The following TACR3 variants were observed in gnomAD, a reference collection of about 807,000 sequenced individuals.
TACR3 encodes tachykinin receptor 3, also known as neuromedin-K receptor.
A neutral mutation model predicts 35.0 loss-of-function variants in TACR3; 34 were observed. The ratio of observed to expected loss-of-function variants is 0.97; its 90% CI spans 0.74 to 1.30. The LOEUF is 1.30. TACR3 is among the 50% of genes most tolerant of loss of function. The pLI, the probability that TACR3 is intolerant of heterozygous loss-of-function variation, is 0.00. For synonymous variants in TACR3, 233 were observed against 221.1 expected (o/e 1.05, Z -0.48); for missense variants, 558 against 591.7 (o/e 0.94, Z 0.59).
At chr4:103,656,581 T>C (rs896127637) in intron 2 of TACR3, among the ~76,000 whole-genome samples, 3 of 152,032 alleles carry the variant, frequency 2.0e-5, no homozygotes, top group Non-Finnish European at 2.9e-5. Context: ...TATAGCTGGG[T>C]TGAAGGGCTC....
intron 1 of TACR3, among the ~76,000 whole-genome samples, chr4:103,709,688 T>C (rs146635353): frequency 0.045 from 6,851 of 151,996 alleles, 507 homozygotes; most frequent in African/African-American, 0.16. Context: ...GGCTAAATGC[T>C]CCAATTAAAA....
chr4:103,656,184 G>T lies in TACR3; in HGVS notation c.888+10C>A, dbSNP rs778473370. ...TATACAAATGCTAGGTAAACAACAT[G>T]GACCAGTACCTTTCTTTTGGCCTTT... On this transcript the variant is annotated intron_variant, in intron 3 of 4. Coordinates refer to ENST00000304883, the MANE Select transcript of TACR3 (RefSeq NM_001059.3). The T allele has an allele frequency of 6.2e-7, 1 of 1,612,474 alleles. No individual in the cohort carries two copies. The highest frequency in any genetic ancestry group is 1.1e-5 in the South Asian group (1 of 91,036).
chr4:103,687,393 C>T (rs914523505), intron 1 of TACR3, among the ~76,000 whole-genome samples: 3 of 151,938 alleles, frequency 2.0e-5, no homozygotes, highest in African/African-American at 4.8e-5. Context: ...GAAGTTCTGG[C>T]CAGGGCAATT....
At chr4:103,711,431 C>T (rs115498285) in intron 1 of TACR3, among the ~76,000 whole-genome samples, 4,414 of 152,158 alleles carry the variant, frequency 0.029, 211 homozygotes, top group African/African-American at 0.096. Flanking sequence ...AGGTCTTTGA[C>T]GAAATTCAAC....
At chr4:103,626,575 G>T (rs1172354400) in intron 3 of TACR3, among the ~76,000 whole-genome samples, 2 of 152,104 alleles carry the variant, frequency 1.3e-5, no homozygotes, top group Non-Finnish European at 2.9e-5. Flanking sequence ...TGTAGTCCTT[G>T]CTATTCATCA....
At chr4:103,659,094 G>A (rs1349789136) in intron 1 of TACR3, among the ~76,000 whole-genome samples, 2 of 152,086 alleles carry the variant, frequency 1.3e-5, no homozygotes, top group African/African-American at 4.8e-5. Flanking sequence ...GACAGGAGGC[G>A]GAGCTCAGGC....
intron 3 of TACR3, among the ~76,000 whole-genome samples, chr4:103,600,098 G>A (rs572470494): frequency 6.6e-6 from 1 of 152,050 alleles, no homozygotes; most frequent in African/African-American, 2.4e-5. Context: ...ACTTTTTTTG[G>A]TTGGTAAGCT....
chr4:103,623,365 A>G (rs1160665038), intron 3 of TACR3, among the ~76,000 whole-genome samples: 2 of 151,834 alleles, frequency 1.3e-5, no homozygotes, highest in Admixed American at 1.3e-4. Flanking sequence ...AAAGATAGAC[A>G]CCCTGGGATT....
At chr4:103,627,181 CAAAA>C (rs33988758) in intron 3 of TACR3, among the ~76,000 whole-genome samples, 16 of 24,698 alleles carry the variant, frequency 6.5e-4, no homozygotes, top group African/African-American at 2.1e-3. Context: ...GACTCCGTCT[CAAAA>C]AAAAAAAAAA....
chr4:103,689,151 C>CA (rs1423843374), intron 1 of TACR3, among the ~76,000 whole-genome samples: 7 of 147,394 alleles, frequency 4.7e-5, no homozygotes, highest in Non-Finnish European at 8.9e-5. Context: ...ATCGCAAGAA[C>CA]AAAAAACCAA....
chr4:103,627,284 G>T (rs1186434332), intron 3 of TACR3, among the ~76,000 whole-genome samples: 2 of 147,292 alleles, frequency 1.4e-5, no homozygotes, highest in East Asian at 3.9e-4. Context: ...GAGAAGCCAG[G>T]GTGATGGATC....
Position 103,669,777 on chromosome 4 carries a change from T to C in TACR3, c.549-11374A>G, listed in dbSNP as rs7697277. ...AGTTGAATATTCTACAAATATTTCC[T>C]CCTATTTTTACCTTTGCTGTGCAGA... is the stretch of plus-strand genomic sequence containing the variant. On this transcript the variant is annotated intron_variant, in intron 1 of 4. Coordinates refer to ENST00000304883, the MANE Select transcript of TACR3 (RefSeq NM_001059.3). 4.3e-3 allele frequency among the ~76,000 whole-genome samples: 657 copies of C among 152,134 alleles called. 7 individuals carry two copies. Among genetic ancestry groups the C allele is most frequent in the African/African-American group, 0.015 (630 of 41,560 alleles).
intron 1 of TACR3, among the ~76,000 whole-genome samples, chr4:103,711,851 C>T (rs1456766299): frequency 6.6e-6 from 1 of 152,086 alleles, no homozygotes; most frequent in African/African-American, 2.4e-5. Flanking sequence ...ACACCAATAA[C>T]AGACAAACAG....
At chr4:103,698,038 T>A (rs1722564355) in intron 1 of TACR3, among the ~76,000 whole-genome samples, 1 of 152,200 alleles carries the variant, frequency 6.6e-6, no homozygotes, top group Non-Finnish European at 1.5e-5. Flanking sequence ...TACTATTGTT[T>A]GATTCTGAAA....
At chr4:103,607,685 A>G (rs556953846) in intron 3 of TACR3, among the ~76,000 whole-genome samples, 1 of 152,196 alleles carries the variant, frequency 6.6e-6, no homozygotes, top group East Asian at 1.9e-4. Context: ...TACATTTTAG[A>G]TGATATTTAA....
At chr4:103,666,342 A>C (rs1725935612) in intron 1 of TACR3, among the ~76,000 whole-genome samples, 1 of 152,154 alleles carries the variant, frequency 6.6e-6, no homozygotes, top group African/African-American at 2.4e-5. Flanking sequence ...TGAACAGCAA[A>C]GTCCTGAGGT....
chr4:103,664,378 TC>T (rs1725894623), intron 1 of TACR3, among the ~76,000 whole-genome samples: 1 of 152,204 alleles, frequency 6.6e-6, no homozygotes, highest in Non-Finnish European at 1.5e-5. Flanking sequence ...TTATAATTCT[TC>T]CTTTTGTTGG....
intron 1 of TACR3, among the ~76,000 whole-genome samples, chr4:103,668,848 CAA>C (rs565931739): frequency 1.3e-4 from 14 of 107,774 alleles, no homozygotes; most frequent in Admixed American, 2.0e-4. Flanking sequence ...GACTCTGTCT[CAA>C]AAAAAAAAAA....
At chr4:103,676,384 G>C (rs189713265) in intron 1 of TACR3, among the ~76,000 whole-genome samples, 5 of 152,156 alleles carry the variant, frequency 3.3e-5, no homozygotes, top group Admixed American at 3.3e-4. Flanking sequence ...TATATTCAAA[G>C]AGCTAGATAA....
Sources: gnomAD v4.1 joint callset for allele counts (sites outside exome capture counted in the v4.1 genomes callset) on GRCh38, gnomAD v4.1.1 for gene constraint, MANE v1.5 for transcripts, NCBI Gene and HGNC (gene_info 2026-07-23, HGNC 2026-07-21) for gene names.